PRKAR1B: variants seen among roughly 807,000 people sequenced by gnomAD.
PRKAR1B encodes the protein cAMP-dependent protein kinase type I-beta regulatory subunit.
A neutral mutation model predicts 46.5 loss-of-function variants in PRKAR1B; 22 were observed. The ratio of observed to expected loss-of-function variants is 0.47; its 90% confidence interval spans 0.34 to 0.68. PRKAR1B has a LOEUF of 0.68. PRKAR1B is among the 30% of genes least tolerant of loss of function. PRKAR1B has a pLI of 0.01. For missense variants in PRKAR1B, 445 were observed against 535.6 expected, an observed-to-expected ratio of 0.83 and a Z score of 1.67; for synonymous variants, 259 against 217.7, an observed-to-expected ratio of 1.19 and a Z score of -1.67.
chr7:724,543 C>T (rs1583464674), intron 1 of PRKAR1B, among the ~76,000 whole-genome samples: 1 of 152,218 alleles, frequency 6.6e-6, no homozygotes, highest in East Asian at 1.9e-4. Flanking sequence ...GTCCAGTAAA[C>T]CTTTCCCTGT....
chr7:580,977 C>T (rs1320184982), intron 8 of PRKAR1B, among the ~76,000 whole-genome samples: 1 of 152,176 alleles, frequency 6.6e-6, no homozygotes, highest in Non-Finnish European at 1.5e-5. Context: ...GAGGACCCCA[C>T]AACCAGAGCT....
In PRKAR1B at chr7:629,169, C is replaced by A. The variant is rs1323245274; in HGVS notation, c.441-21717G>T. Among the ~76,000 whole-genome samples, 4 of 152,244 alleles carry A rather than the reference C, an allele frequency of 2.6e-5. No homozygotes were observed. The East Asian group carries it at 7.7e-4, about 29-fold the overall frequency. On this transcript the variant is annotated intron_variant, in intron 4 of 10. Transcript: ENST00000537384. ...GGCACGTTTTCCAGAGTGAAAGGCA[C>A]CGGGCTCATGGCACAGTGACAGGAT...
intron 5 of PRKAR1B, 74 bp downstream of exon 5, chr7:607,317 T>G: frequency 6.9e-7 from 1 of 1,443,842 alleles, no homozygotes; most frequent in Non-Finnish European, 9.7e-7. Flanking sequence ...CCTGCCCTTA[T>G]GCTATTTTTT....
chr7:692,503 G>A (rs191749642), intron 2 of PRKAR1B, among the ~76,000 whole-genome samples: 48 of 151,936 alleles, frequency 3.2e-4, no homozygotes, highest in Non-Finnish European at 5.3e-4. Flanking sequence ...CATCACAAGT[G>A]AGGGGCTCTG....
intron 2 of PRKAR1B, among the ~76,000 whole-genome samples, chr7:701,176 A>G (rs562474566): frequency 6.6e-6 from 1 of 151,230 alleles, no homozygotes; most frequent in East Asian, 1.9e-4. Context: ...CAAGAGAGCG[A>G]GACTCTGAAA....
intron 2 of PRKAR1B, among the ~76,000 whole-genome samples, chr7:697,672 C>T (rs970471088): frequency 6.6e-6 from 1 of 151,836 alleles, no homozygotes; most frequent in Non-Finnish European, 1.5e-5. Flanking sequence ...GGCCAGGACC[C>T]ATAAGCCCAC....
chr7:696,405 G>T (rs1779742088), intron 2 of PRKAR1B, among the ~76,000 whole-genome samples: 1 of 152,100 alleles, frequency 6.6e-6, no homozygotes, highest in African/African-American at 2.4e-5. Context: ...CCGAGTAGCT[G>T]GGATTACAGA....
intron 10 of PRKAR1B, 115 bp from the exon 11 acceptor site, chr7:550,717 G>T: frequency 1.2e-6 from 1 of 836,476 alleles, no homozygotes; most frequent in Non-Finnish European, 1.8e-6. Flanking sequence ...GATGTGCCAG[G>T]CACACGTGAA....
At chr7:599,739 CAA>C (rs1255017711) in intron 6 of PRKAR1B, among the ~76,000 whole-genome samples, 7 of 152,198 alleles carry the variant, frequency 4.6e-5, no homozygotes, top group Non-Finnish European at 8.8e-5. Flanking sequence ...GTTTAGAAGT[CAA>C]TGGTGGGACA....
chr7:661,356 A>C (rs866763195), intron 4 of PRKAR1B, among the ~76,000 whole-genome samples: 150 of 26,940 alleles, frequency 5.6e-3, no homozygotes, highest in Admixed American at 9.6e-3. Context: ...TACTCTCCCC[A>C]CCATGGCACA....
chr7:611,719 C>T (rs28499330), intron 4 of PRKAR1B, among the ~76,000 whole-genome samples: 103,224 of 152,036 alleles, frequency 0.68, 35,493 homozygotes, highest in South Asian at 0.85. Flanking sequence ...GGTGGATGAA[C>T]GGATGAGTGA....
At position 691,461 on chromosome 7, in the gene PRKAR1B, G is replaced by A. The variant is rs949175976; in HGVS notation, c.178-10735C>T. ...GGAGAGGGAGTGCCTCCACTCCCAC[G>A]GATGAAGATGCAGGCAGGGCCCCCC... is the stretch of plus-strand genomic sequence containing the variant. On this transcript the variant is annotated intron_variant, in intron 2 of 10. Transcript: ENST00000537384. The A allele has an allele frequency of 5.4e-5, 70 of 1,297,740 alleles. 1 individual carries two copies. Among genetic ancestry groups the A allele is most frequent in the Admixed American group, 1.1e-4 (5 of 43,544 alleles). 80.4% of individuals were successfully genotyped at this position (1,297,740 alleles called of 1,614,324 possible). A position where few individuals can be genotyped will look rare whatever the true frequency, so the allele number is the denominator to read the frequency against.
chr7:707,732 A>G (rs186647185), intron 2 of PRKAR1B, among the ~76,000 whole-genome samples: 2 of 152,320 alleles, frequency 1.3e-5, no homozygotes, highest in Admixed American at 6.5e-5. Flanking sequence ...CACCATGTGA[A>G]GATGAAGGCA....
intron 9 of PRKAR1B, among the ~76,000 whole-genome samples, chr7:575,985 G>A (rs761780949): frequency 3.3e-5 from 5 of 151,712 alleles, no homozygotes; most frequent in African/African-American, 4.8e-5. Flanking sequence ...AAATGTGCAC[G>A]CTGGCATCCT....
At chr7:704,700 G>C (rs891442206) in intron 2 of PRKAR1B, among the ~76,000 whole-genome samples, 2 of 151,908 alleles carry the variant, frequency 1.3e-5, no homozygotes, top group Middle Eastern at 3.4e-3. Flanking sequence ...ACCCAGGAGG[G>C]GCGGGTTGCA....
rs1206403708 is a variant in PRKAR1B, at chr7:588,520, TGGTGGTGACGGTGGTGATGGTGGTGAC to T, written c.709-3979_709-3953del. ...ATAGTGACAGTGGTGATCACGATGA[TGGTGGTGACGGTGGTGATGGTGGTGAC>T]GGTGGTGATGGTGGTGATGTTGGTG... On this transcript the variant is annotated intron_variant, in intron 7 of 10. Transcript: ENST00000537384. Among the ~76,000 whole-genome samples, 22 of 126,064 alleles carry T rather than the reference TGGTGGTGACGGTGGTGATGGTGGTGAC, an allele frequency of 1.7e-4. 1 individual carries two copies. The highest frequency in any genetic ancestry group is 6.6e-4 in the African/African-American group (22 of 33,344). 82.7% of individuals were successfully genotyped at this position (126,064 alleles called of 152,430 possible).
Position 711,373 on chromosome 7 carries a change from G to C in PRKAR1B, c.133C>G (p.Arg45Gly). ...IVHLCISKPERPMKFLREHFE... is the reference protein window; with the variant it reads ...IVHLCISKPEGPMKFLREHFE... ...TGCTCCCGGAGGAACTTCATGGGGCGTTCGGGCTTGGAGATGCAGAGGTGG... is the reference window on the plus strand; with the variant it reads ...TGCTCCCGGAGGAACTTCATGGGGCCTTCGGGCTTGGAGATGCAGAGGTGG... The change falls in exon 2 of 11, where the codon CGC becomes GGC. Residue 45 changes from arginine (R) to glycine (G), a missense_variant. By Grantham distance (125) the Arg-to-Gly change is moderately radical. Coordinates refer to ENST00000537384, the MANE Select transcript of PRKAR1B (RefSeq NM_001164760.2). 1 of 1,614,220 alleles carries C rather than the reference G, an allele frequency of 6.2e-7. No homozygotes were observed.
At chr7:677,064 G>A (rs1279315714) in intron 4 of PRKAR1B, among the ~76,000 whole-genome samples, 165 bp downstream of exon 4, 1 of 151,918 alleles carries the variant, frequency 6.6e-6, no homozygotes, top group African/African-American at 2.4e-5. Flanking sequence ...ACCTCCCGGA[G>A]GCCGGAGAAG....
intron 1 of PRKAR1B, among the ~76,000 whole-genome samples, chr7:713,644 G>A (rs144323546): frequency 5.3e-5 from 8 of 151,252 alleles, no homozygotes; most frequent in South Asian, 2.1e-4. Flanking sequence ...CACACTCACC[G>A]TCTCTCACTC....
Sources: allele counts gnomAD v4.1 joint callset (sites outside exome capture counted in the v4.1 genomes callset), GRCh38; gene constraint gnomAD v4.1.1; transcripts MANE v1.5; gene names NCBI Gene and HGNC (gene_info 2026-07-23, HGNC 2026-07-21).